Variants in SPTBN5 observed in about 807,000 individuals in gnomAD.
SPTBN5 encodes the protein spectrin beta chain, non-erythrocytic 5.
Under a neutral mutation model 477.6 loss-of-function variants are expected in SPTBN5, and 513 were observed. That is an observed-to-expected ratio of 1.07 (90% CI 1.00 to 1.16). The LOEUF (loss-of-function observed/expected upper bound fraction) is 1.16. Among genes scored for constraint, SPTBN5 ranks in the 50% most tolerant of loss-of-function variants. The pLI is 0.00. For synonymous variants in SPTBN5, 2,169 were observed against 2,011.7 expected, an observed-to-expected ratio of 1.08 and a Z score of -2.09; for missense variants, 5,062 against 4,731.8, an observed-to-expected ratio of 1.07 and a Z score of -2.05.
chr15:41,859,475 T>C (rs914695841), intron 47 of SPTBN5, among the ~76,000 whole-genome samples: 1 of 152,114 alleles, frequency 6.6e-6, no homozygotes, highest in Non-Finnish European at 1.5e-5. Flanking sequence ...ACTGAGTTCT[T>C]ATGTTGAAGG....
intron 60 of SPTBN5, 38 bp from the exon 61 acceptor site, chr15:41,852,773 G>GGT (rs1555460269): frequency 6.3e-7 from 1 of 1,597,170 alleles, no homozygotes; most frequent in Non-Finnish European, 8.5e-7. Flanking sequence ...CCAGCTTGGG[G>GGT]GGGGGGGCCC....
Position 41,855,234 on chromosome 15 carries a change from T to A in SPTBN5, c.9413A>T (p.Glu3138Val). 1 of 1,611,588 alleles carries A rather than the reference T, an allele frequency of 6.2e-7. No homozygotes were observed. The highest frequency in any genetic ancestry group is 8.5e-7 in the Non-Finnish European group (1 of 1,179,020). Reference protein sequence around the residue: ...AESQDYGQDLEGVKVLEEKFD... With the variant: ...AESQDYGQDLVGVKVLEEKFD... ...TCAGGAGTAACTCACCTTGACACCCTCCAGGTCCTGCCCGTAGTCCTGGGA... is the reference window on the plus strand; with the variant it reads ...TCAGGAGTAACTCACCTTGACACCCACCAGGTCCTGCCCGTAGTCCTGGGA... Residue 3138 changes from glutamate to valine, a missense_variant, in exon 55 of 68, where the codon GAG becomes GTG. Transcript: ENST00000320955.
In SPTBN5 at chr15:41,881,089, A is replaced by G; in HGVS notation, c.2603T>C (p.Leu868Pro). 1 of 1,610,930 alleles carries G rather than the reference A, an allele frequency of 6.2e-7. No individual in the cohort carries two copies. The highest frequency in any genetic ancestry group is 8.5e-7 in the Non-Finnish European group (1 of 1,178,686). Residue 868 changes from leucine to proline, a missense_variant, in exon 13 of 68, where the codon CTC becomes CCC. Physicochemically the swap from Leu to Pro is moderately conservative, Grantham distance 98. Transcript: ENST00000320955. ...PDPDFDPNTI[L>P]QTQDHLSQDY... ...CTGACTCAAGTGGTCCTGTGTCTGG[A>G]GTATAGTGTTGGGATCAAAGTCAGG... is the stretch of plus-strand genomic sequence containing the variant.
At position 41,852,613 on chromosome 15, in the gene SPTBN5, CCTAGCCGAGGCAGTCGTCACCTCTGT is replaced by C. The variant is rs773159206; in HGVS notation, c.10444_10449+20del. ...ACTGTTCCCCCACCAGCCCTCAGCCCCTAGCCGAGGCAGTCGTCACCTCTGTCTTTTGCATTTGGGCAAACTTCTCT... is the reference window on the plus strand; with the variant it reads ...ACTGTTCCCCCACCAGCCCTCAGCCCCTTTTGCATTTGGGCAAACTTCTCT... On this transcript the variant is annotated splice_donor_variant and splice_donor_5th_base_variant and coding_sequence_variant and intron_variant, in exon 61 of 68. Transcript: ENST00000320955. LOFTEE classifies it high-confidence loss of function. 2.5e-6 allele frequency: 4 copies of C among 1,610,444 alleles called. No individual in the cohort carries two copies. The South Asian group carries it at 4.4e-5, about 18-fold the overall frequency.
intron 56 of SPTBN5, among the ~76,000 whole-genome samples, 175 bp from the exon 57 acceptor site, chr15:41,854,380 T>C (rs1167158414): frequency 6.8e-6 from 1 of 146,890 alleles, no homozygotes; most frequent in Non-Finnish European, 1.5e-5. Context: ...AACGTGATGA[T>C]ATGGGTCTGC....
Position 41,850,884 on chromosome 15 carries a change from T to C in SPTBN5, c.10891A>G (p.Ser3631Gly). 1 of 1,603,850 alleles carries C rather than the reference T, an allele frequency of 6.2e-7. No individual in the cohort carries two copies. Among genetic ancestry groups the C allele is most frequent in the African/African-American group, 1.3e-5 (1 of 74,766 alleles). Residue 3631 changes from serine (S) to glycine (G), a missense_variant, in exon 66 of 68, where the codon AGC (serine) becomes GGC (glycine). Transcript: ENST00000320955. ...FAAPSEEQAE[S>G]WWRALGSTAA... ...GTGCTGCCCAGGGCTCGCCACCAGC[T>C]CTCAGCCTGCTCTTCGGACGGTGCT...
rs777665353 is a variant in SPTBN5, at chr15:41,855,756, C to T, written c.9022-11G>A. The stretch of plus-strand genomic sequence containing the variant: ...TCCCGCCTCCAGGAGCTGGGGGTGA[C>T]AGAGTGGAGATCCGTTTTCCCGGGG... On this transcript the variant is annotated splice_polypyrimidine_tract_variant and intron_variant, in intron 53 of 67. Transcript: ENST00000320955. 6.4e-7 allele frequency: 1 copy of T among 1,564,428 alleles called. No homozygotes were observed. The highest frequency in any genetic ancestry group is 1.1e-5 in the South Asian group (1 of 87,068).
intron 12 of SPTBN5, among the ~76,000 whole-genome samples, chr15:41,881,685 C>G (rs111934711): frequency 2.0e-5 from 3 of 152,156 alleles, no homozygotes; most frequent in Non-Finnish European, 4.4e-5. Flanking sequence ...CTGAAACTGC[C>G]GGCAACAGGA....
rs551544890 is a variant in SPTBN5, at chr15:41,860,662, T to C, written c.7912A>G (p.Thr2638Ala). The part of the protein sequence containing the change: ...QAGKISALEA[T>A]ARGLHQGGHP... ...CCACCCTGGTGCAGGCCGCGGGCCGTGGCCTCCAGAGCACTGATCTTTCCC... is the reference window on the plus strand; with the variant it reads ...CCACCCTGGTGCAGGCCGCGGGCCGCGGCCTCCAGAGCACTGATCTTTCCC... The change falls in exon 47 of 68, where the codon ACG becomes GCG. Residue 2638 changes from threonine (T) to alanine (A), a missense_variant. Coordinates refer to ENST00000320955, the MANE Select transcript of SPTBN5 (RefSeq NM_016642.4). 3 of 1,569,280 alleles carry C rather than the reference T, an allele frequency of 1.9e-6. No homozygotes were observed. The South Asian group carries it at 3.6e-5, about 19-fold the overall frequency.
chr15:41,879,449 T>C lies in SPTBN5; in HGVS notation c.2993A>G (p.His998Arg). The C allele has an allele frequency of 4.4e-6, 7 of 1,603,740 alleles. No homozygotes were observed. The highest frequency in any genetic ancestry group is 5.9e-6 in the Non-Finnish European group (7 of 1,176,612). ...CAGAAAACTGCACACTTCCACACTG[T>C]GTGCCAGCTGCACGGCCTTCTCCCT... ...LKREKAVQLA[H>R]SVEVCSFLQE... The change falls in exon 16 of 68, where the codon CAC becomes CGC. Residue 998 changes from histidine (H) to arginine (R), a missense_variant. By Grantham distance (29) the His-to-Arg change is conservative. Coordinates refer to ENST00000320955, the MANE Select transcript of SPTBN5 (RefSeq NM_016642.4).
At chr15:41,857,088 G>A (rs764273265) in intron 51 of SPTBN5, 49 bp from the exon 52 acceptor site, 4 of 1,553,550 alleles carry the variant, frequency 2.6e-6, no homozygotes, top group Middle Eastern at 1.7e-4. Flanking sequence ...CAGGGTGTCA[G>A]TATTAGGGAT....
Position 41,883,376 on chromosome 15 carries a change from G to A in SPTBN5, c.1631C>T (p.Ala544Val). Residue 544 changes from alanine (A) to valine (V), a missense_variant, in exon 8 of 68, where the codon GCT (alanine) becomes GTT (valine). Physicochemically the swap from Ala to Val is moderately conservative, Grantham distance 64 (BLOSUM62 0). Transcript: ENST00000320955. ...AVLSLLQEVE[A>V]ASHQLEELQE... ...CAGCTCCTCCAGCTGGTGGGAGGCA[G>A]CCTCCACCTCCTGCAGCAGGCTCAG... 1 of 1,613,618 alleles carries A rather than the reference G, an allele frequency of 6.2e-7. No individual in the cohort carries two copies. The highest frequency in any genetic ancestry group is 2.2e-5 in the East Asian group (1 of 44,882).
chr15:41,882,367 C>T lies in SPTBN5; in HGVS notation c.2149G>A (p.Gly717Arg). The T allele has an allele frequency of 1.3e-6, 2 of 1,536,336 alleles. No individual in the cohort carries two copies. Among genetic ancestry groups the T allele is most frequent in the Non-Finnish European group, 1.7e-6 (2 of 1,146,864 alleles). The part of the protein sequence containing the change: ...ARRPPTQPDP[G>R]ERAEAVQGGW... Reference sequence around the variant, plus strand: ...CCCTGAACGGCCTCTGCCCGTTCCCCGGGATCCGGCTGCGTTGGGGGCCTG... The same window carrying T: ...CCCTGAACGGCCTCTGCCCGTTCCCTGGGATCCGGCTGCGTTGGGGGCCTG... The change falls in exon 11 of 68, where the codon GGG becomes AGG. Residue 717 changes from glycine (G) to arginine (R), a missense_variant. By Grantham distance (125) the Gly-to-Arg change is moderately radical. Coordinates refer to ENST00000320955, the MANE Select transcript of SPTBN5 (RefSeq NM_016642.4).
At position 41,850,837 on chromosome 15, in the gene SPTBN5, CT is replaced by C. The variant is rs1171309968; in HGVS notation, c.10921+16del. The stretch of plus-strand genomic sequence containing the variant: ...GGGAGTCGGCCGCCCTCCCCGCATC[CT>C]TCCCCTGAAGCCCACCTGCAGTGCT... On this transcript the variant is annotated intron_variant, in intron 66 of 67. Transcript: ENST00000320955. 4 of 1,581,258 alleles carry C rather than the reference CT, an allele frequency of 2.5e-6. No individual in the cohort carries two copies. The highest frequency in any genetic ancestry group is 3.4e-6 in the Non-Finnish European group (4 of 1,164,714).
chr15:41,866,560 G>GC, intron 36 of SPTBN5, 67 bp from the exon 37 acceptor site: 3 of 1,436,760 alleles, frequency 2.1e-6, no homozygotes, highest in South Asian at 1.6e-5. Context: ...CACAGGCCTA[G>GC]CCCCCAGCCA....
chr15:41,862,813 G>A lies in SPTBN5; in HGVS notation c.7240C>T (p.His2414Tyr), dbSNP rs1211038441. The A allele has an allele frequency of 1.3e-6, 2 of 1,579,852 alleles. No homozygotes were observed. The highest frequency in any genetic ancestry group is 1.7e-6 in the Non-Finnish European group (2 of 1,164,134). Residue 2414 changes from histidine to tyrosine, a missense_variant, in exon 42 of 68, where the codon CAC (histidine) becomes TAC (tyrosine). Physicochemically the swap from His to Tyr is moderately conservative, Grantham distance 83. Coordinates refer to ENST00000320955, the MANE Select transcript of SPTBN5 (RefSeq NM_016642.4). ...ACCTCCACCTGGGCCTGGATGGGGT[G>A]CACTTCCCGCTCCAGCTCCTCGTGT... The part of the protein sequence containing the change: ...RKHEELEREV[H>Y]PIQAQVESLE...
At chr15:41,878,070 G>GA (rs758415402) in intron 17 of SPTBN5, among the ~76,000 whole-genome samples, 1 of 152,204 alleles carries the variant, frequency 6.6e-6, no homozygotes, top group African/African-American at 2.4e-5. Flanking sequence ...GGCCCACCTG[G>GA]AGGGGGCCAG....
At position 41,885,949 on chromosome 15, in the gene SPTBN5, C is replaced by T. The variant is rs769178948; in HGVS notation, c.1306G>A (p.Ala436Thr). The T allele has an allele frequency of 6.4e-6, 10 of 1,563,902 alleles. No homozygotes were observed. Among genetic ancestry groups the T allele is most frequent in the Non-Finnish European group, 7.8e-6 (9 of 1,155,066 alleles). ...TCCTTAAGGAAACTCTCCCGGAGGG[C>T]TGCCTTGTGCTGGAAGCGCCGGGCC... ...TLARRFQHKA[A>T]LRESFLKDAE... The change falls in exon 7 of 68, where the codon GCC becomes ACC. Residue 436 changes from alanine to threonine, a missense_variant. Ala to Thr is a moderately conservative substitution (Grantham distance 58). Coordinates refer to ENST00000320955, the MANE Select transcript of SPTBN5 (RefSeq NM_016642.4).
At chr15:41,854,456 C>A (rs533342588) in intron 56 of SPTBN5, among the ~76,000 whole-genome samples, 1 of 151,796 alleles carries the variant, frequency 6.6e-6, no homozygotes, top group East Asian at 1.9e-4. Flanking sequence ...GAAAGGCAGA[C>A]GCGAGGTGTT....
Sources: allele counts gnomAD v4.1 joint callset (sites outside exome capture counted in the v4.1 genomes callset), GRCh38; gene constraint gnomAD v4.1.1; transcripts MANE v1.5; gene names NCBI Gene and HGNC (gene_info 2026-07-23, HGNC 2026-07-21).